The following SH3GL1 variants were observed in gnomAD, a reference collection of about 807,000 sequenced individuals.
SH3GL1 encodes endophilin-A2.
SH3GL1 carries 21 observed loss-of-function variants against 48.8 expected under a neutral mutation model. The observed-to-expected ratio is 0.43, with a 90% CI of 0.30 to 0.62. The LOEUF (loss-of-function observed/expected upper bound fraction) is 0.62, where lower values mean the gene tolerates loss of function less well. Ranked by LOEUF, SH3GL1 falls within the 20% of genes least tolerant of loss-of-function variation. The pLI, the probability that SH3GL1 is intolerant of heterozygous loss-of-function variation, is 0.11. For missense variants in SH3GL1, 454 were observed against 503.0 expected (o/e 0.90, Z 0.93); for synonymous variants, 282 against 217.5 (o/e 1.30, Z -2.61).
intron 1 of SH3GL1, among the ~76,000 whole-genome samples, chr19:4,379,734 T>C (rs1001197210): frequency 6.6e-6 from 1 of 152,054 alleles, no homozygotes; most frequent in African/African-American, 2.4e-5. Context: ...CCTCTGTGCA[T>C]GGGCGAGCCT....
At chr19:4,377,202 T>C (rs1973026107) in intron 1 of SH3GL1, among the ~76,000 whole-genome samples, 1 of 152,170 alleles carries the variant, frequency 6.6e-6, no homozygotes, top group Non-Finnish European at 1.5e-5. Flanking sequence ...ATTTGGGCAG[T>C]TTCTTATCCA....
intron 4 of SH3GL1, 60 bp from the exon 5 acceptor site, chr19:4,364,281 C>A: frequency 1.9e-6 from 3 of 1,595,770 alleles, no homozygotes; most frequent in South Asian, 2.2e-5. Context: ...GACTGAGACA[C>A]TCCTCAGCCT....
chr19:4,384,648 C>T lies in SH3GL1; in HGVS notation c.45+15676G>A, dbSNP rs1030423331. Among the ~76,000 whole-genome samples, 4 of 152,182 alleles carry T rather than the reference C, an allele frequency of 2.6e-5. No homozygotes were observed. The East Asian group carries it at 5.8e-4, about 22-fold the overall frequency. ...CATGCCACAGGGGACCGCTCACTGC[C>T]AGGCTGTGTGAAAATGCAGAAACTT... On this transcript the variant is annotated intron_variant, in intron 1 of 9. Coordinates refer to ENST00000269886, the MANE Select transcript of SH3GL1 (RefSeq NM_003025.4).
intron 1 of SH3GL1, among the ~76,000 whole-genome samples, chr19:4,369,450 C>T (rs56033249): frequency 0.18 from 27,282 of 152,218 alleles, 2,987 homozygotes; most frequent in Admixed American, 0.26. Context: ...CACGACCTGC[C>T]CAGGCAGGAC....
intron 1 of SH3GL1, among the ~76,000 whole-genome samples, chr19:4,391,672 G>C (rs1973339503): frequency 6.6e-6 from 1 of 152,198 alleles, no homozygotes; most frequent in Non-Finnish European, 1.5e-5. Context: ...GGTGAGCCAG[G>C]TTTCACAGAC....
rs1478689056 is a variant in SH3GL1 at position 4,389,686 on chromosome 19, C to T, written c.45+10638G>A. On this transcript the variant is annotated intron_variant, in intron 1 of 9. Transcript: ENST00000269886. This position sits in a 1 kb window ranked among gnomAD's most constrained non-coding sequence, Gnocchi z 4.5. ...GCCATCCGCTGTAGGGTGGGGGCCA[C>T]GGTGGCCCATCCGTCCTTCCATGTG... Among the ~76,000 whole-genome samples the T allele has an allele frequency of 2.6e-5, 4 of 152,188 alleles. No individual in the cohort carries two copies. In the East Asian group the frequency reaches 7.7e-4, roughly 29 times the overall value.
chr19:4,370,161 T>C (rs1972868530), intron 1 of SH3GL1, among the ~76,000 whole-genome samples: 1 of 152,218 alleles, frequency 6.6e-6, no homozygotes, highest in East Asian at 1.9e-4. Flanking sequence ...TGGTGCCATC[T>C]GCCAGGCAAG....
rs773990712 is a variant in SH3GL1 at position 4,362,284 on chromosome 19, C to CCGAGAAGGCAGCACTGAGGT, written c.910+25_910+44dup. The CCGAGAAGGCAGCACTGAGGT allele has an allele frequency of 2.8e-5, 44 of 1,586,180 alleles. No individual in the cohort carries two copies. In the African/African-American group the frequency reaches 4.8e-4, roughly 17 times the overall value. ...GAGGAGAAACACCCTCCCCGAATGG[C>CCGAGAAGGCAGCACTGAGGT]CGAGAAGGCAGCACTGAGGTCGAGG... On this transcript the variant is annotated intron_variant, in intron 9 of 9. Coordinates refer to ENST00000269886, the MANE Select transcript of SH3GL1 (RefSeq NM_003025.4).
At chr19:4,386,883 G>A (rs1411450504) in intron 1 of SH3GL1, among the ~76,000 whole-genome samples, 1 of 152,216 alleles carries the variant, frequency 6.6e-6, no homozygotes, top group Non-Finnish European at 1.5e-5. Context: ...CAAGCATAAG[G>A]CACGTGAATC....
chr19:4,377,623 G>A (rs1030901843), intron 1 of SH3GL1, among the ~76,000 whole-genome samples: 3 of 152,222 alleles, frequency 2.0e-5, no homozygotes, highest in East Asian at 3.8e-4. Flanking sequence ...GTGCACTGGG[G>A]CCCTCTGCGA....
chr19:4,395,281 G>C (rs1973406095), intron 1 of SH3GL1, among the ~76,000 whole-genome samples: 1 of 152,168 alleles, frequency 6.6e-6, no homozygotes, highest in Non-Finnish European at 1.5e-5. Context: ...CTCGTGATCA[G>C]CTGGAAGGTA....
At chr19:4,372,576 G>A (rs1376920625) in intron 1 of SH3GL1, among the ~76,000 whole-genome samples, 6 of 152,186 alleles carry the variant, frequency 3.9e-5, no homozygotes, top group African/African-American at 9.7e-5. Context: ...AAGAGGGCAG[G>A]GGCAAAGGAT....
In SH3GL1 at chr19:4,361,360, G is replaced by GGAAGGGAGCC. The variant is rs1310947953; in HGVS notation, c.*230_*239dup. ...GGAGGAGGCTGGCGCCATGGAGTGG[G>GGAAGGGAGCC]GAAGGGAGCCGTCACCGTTGGGAGT... is the stretch of plus-strand genomic sequence containing the variant. On this transcript the variant is annotated 3_prime_UTR_variant, in exon 10 of 10. Transcript: ENST00000269886. The GGAAGGGAGCC allele has an allele frequency of 2.1e-5, 11 of 533,726 alleles. No homozygotes were observed. Among genetic ancestry groups the GGAAGGGAGCC allele is most frequent in the Admixed American group, 3.4e-5 (1 of 29,584 alleles). The allele number at this position is 533,726 out of a possible 1,614,324, so 33.1% of individuals were successfully genotyped here.
chr19:4,387,847 C>T (rs1251618761), intron 1 of SH3GL1, among the ~76,000 whole-genome samples: 2 of 151,944 alleles, frequency 1.3e-5, no homozygotes, highest in East Asian at 1.9e-4. Flanking sequence ...CTACGCCCGA[C>T]GAATTTTGTT....
intron 1 of SH3GL1, among the ~76,000 whole-genome samples, chr19:4,391,186 C>T (rs751725736): frequency 5.9e-5 from 9 of 152,088 alleles, no homozygotes; most frequent in African/African-American, 9.7e-5. Context: ...AGGTGCACTG[C>T]GCACGTGACA....
chr19:4,386,778 C>T (rs1973243272), intron 1 of SH3GL1, among the ~76,000 whole-genome samples: 1 of 152,108 alleles, frequency 6.6e-6, no homozygotes, highest in South Asian at 2.1e-4. Flanking sequence ...TCCCCCGATC[C>T]TAAGAGGCGA....
At chr19:4,379,483 AAAG>A (rs1973077579) in intron 1 of SH3GL1, among the ~76,000 whole-genome samples, 2 of 152,078 alleles carry the variant, frequency 1.3e-5, no homozygotes, top group African/African-American at 4.8e-5. Context: ...CTCAACTTAA[AAAG>A]AAGGTTGGTA....
At chr19:4,394,073 A>C (rs1213728560) in intron 1 of SH3GL1, among the ~76,000 whole-genome samples, 2 of 146,598 alleles carry the variant, frequency 1.4e-5, no homozygotes, top group Admixed American at 6.9e-5. Flanking sequence ...CTCCTAGCTC[A>C]GTCTGAAGCA....
At chr19:4,371,888 G>A (rs534385959) in intron 1 of SH3GL1, among the ~76,000 whole-genome samples, 18 of 152,376 alleles carry the variant, frequency 1.2e-4, no homozygotes, top group Non-Finnish European at 2.4e-4. Context: ...ACAGACCACA[G>A]GGGCCTCGCC....
Sources: gnomAD v4.1 joint callset for allele counts (sites outside exome capture counted in the v4.1 genomes callset) on GRCh38, gnomAD v4.1.1 for gene constraint, Gnocchi (gnomAD v3.1) non-coding constraint, MANE v1.5 for transcripts, NCBI Gene and HGNC (gene_info 2026-07-23, HGNC 2026-07-21) for gene names.